ZNF607: variants seen among roughly 807,000 people sequenced by gnomAD.
ZNF607 encodes zinc finger protein 607.
Under a neutral mutation model 12.8 loss-of-function variants are expected in ZNF607, and 5 were observed. The ratio of observed to expected loss-of-function variants is 0.39; its 90% CI spans 0.20 to 0.82. The LOEUF (loss-of-function observed/expected upper bound fraction) is 0.82, where lower values mean the gene tolerates loss of function less well. ZNF607 is among the 40% of genes least tolerant of loss of function. The pLI, the probability that ZNF607 is intolerant of heterozygous loss-of-function variation, is 0.39. For synonymous variants in ZNF607, 287 were observed against 276.2 expected, an observed-to-expected ratio of 1.04 and a Z score of -0.39; for missense variants, 851 against 859.2, an observed-to-expected ratio of 0.99 and a Z score of 0.12.
Position 37,698,003 on chromosome 19 carries a change from G to T in ZNF607, c.*37C>A. 5 of 1,512,192 alleles carry T rather than the reference G, an allele frequency of 3.3e-6. No homozygotes were observed. Among genetic ancestry groups the T allele is most frequent in the Non-Finnish European group, 4.4e-6 (5 of 1,132,954 alleles). 93.7% of individuals were successfully genotyped at this position (1,512,192 alleles called of 1,614,324 possible). A position where few individuals can be genotyped will look rare whatever the true frequency, so the allele number is the denominator to read the frequency against. ...TGGGATAAATCCATTGACACAATGT[G>T]CTTTCTTTACTACCTGTATATGCCA... On this transcript the variant is annotated 3_prime_UTR_variant, in exon 5 of 5. Transcript: ENST00000355202.
chr19:37,697,266 T>C lies in ZNF607; in HGVS notation c.*774A>G. 1.3e-6 allele frequency: 1 copy of C among 795,928 alleles called. No individual in the cohort carries two copies. The highest frequency in any genetic ancestry group is 2.3e-6 in the Non-Finnish European group (1 of 442,988). 49.3% of individuals were successfully genotyped at this position (795,928 alleles called of 1,614,324 possible). ...AGTCCCTTCCCCTACCACAATGTTC[T>C]GTACTCCACGGAATTGGTCAAAGAT... On this transcript the variant is annotated 3_prime_UTR_variant, in exon 5 of 5. Transcript: ENST00000355202.
chr19:37,704,110 G>C (rs1024631465), intron 4 of ZNF607, among the ~76,000 whole-genome samples: 1 of 151,622 alleles, frequency 6.6e-6, no homozygotes, highest in Non-Finnish European at 1.5e-5. Flanking sequence ...CTCCAGCCTG[G>C]GTGACAGAGT....
At chr19:37,700,620 A>G (rs781650360) in intron 4 of ZNF607, among the ~76,000 whole-genome samples, 7 of 152,216 alleles carry the variant, frequency 4.6e-5, no homozygotes, top group Non-Finnish European at 7.3e-5. Flanking sequence ...AATCATGGGC[A>G]TTCAGTATCG....
At chr19:37,700,479 G>A (rs961825523) in intron 4 of ZNF607, among the ~76,000 whole-genome samples, 4 of 152,120 alleles carry the variant, frequency 2.6e-5, no homozygotes, top group African/African-American at 9.7e-5. Context: ...ACAGTTTCGG[G>A]AACACCCATA....
At position 37,698,679 on chromosome 19, in the gene ZNF607, CT is replaced by C; in HGVS notation, c.1451del (p.Lys484ArgfsTer41). The C allele has an allele frequency of 1.2e-6, 2 of 1,613,088 alleles. No homozygotes were observed. The highest frequency in any genetic ancestry group is 1.7e-6 in the Non-Finnish European group (2 of 1,179,422). Reference protein sequence around the residue: ...EKPYVCQECGKGFSYSHKLTI... With the variant: ...EKPYVCQECGXGFSYSHKLTI... ...TGAGTTTATGGCTATAACTAAAACC[CT>C]TCCCACACTCTTGACATACATAGGG... On this transcript the variant is annotated frameshift_variant, in exon 5 of 5. Transcript: ENST00000355202. LOFTEE classifies it low-confidence loss of function (END_TRUNC).
chr19:37,705,198 C>A (rs553200499), intron 4 of ZNF607, among the ~76,000 whole-genome samples: 1 of 152,042 alleles, frequency 6.6e-6, no homozygotes, highest in African/African-American at 2.4e-5. Context: ...CATAAATGAC[C>A]CATTTCAGGA....
intron 1 of ZNF607, among the ~76,000 whole-genome samples, chr19:37,718,123 A>T (rs1371254623): frequency 6.6e-6 from 1 of 152,146 alleles, no homozygotes; most frequent in East Asian, 1.9e-4. Flanking sequence ...GAAAAATGCA[A>T]ATTAACAAAC....
intron 4 of ZNF607, among the ~76,000 whole-genome samples, chr19:37,705,058 T>A (rs568967581): frequency 6.7e-6 from 1 of 149,866 alleles, no homozygotes; most frequent in Non-Finnish European, 1.5e-5. Context: ...ATAATAATCA[T>A]CAGAAAAAAT....
At position 37,699,282 on chromosome 19, in the gene ZNF607, A is replaced by C; in HGVS notation, c.849T>G (p.Cys283Trp). ...SIHTGEKPHE[C>W]KECGKAFRQF... Reference sequence around the variant, plus strand: ...GACGAAAGGCCTTTCCACATTCCTTACATTCATGTGGCTTCTCTCCAGTAT... The same window carrying C: ...GACGAAAGGCCTTTCCACATTCCTTCCATTCATGTGGCTTCTCTCCAGTAT... Residue 283 changes from cysteine to tryptophan, a missense_variant, in exon 5 of 5, where the codon TGT (cysteine) becomes TGG (tryptophan). Physicochemically the swap from Cys to Trp is radical, Grantham distance 215. Transcript: ENST00000355202. 1 of 1,613,980 alleles carries C rather than the reference A, an allele frequency of 6.2e-7. No homozygotes were observed. The highest frequency in any genetic ancestry group is 8.5e-7 in the Non-Finnish European group (1 of 1,179,996).
chr19:37,699,618 T>C lies in ZNF607; in HGVS notation c.513A>G (p.Glu171=), dbSNP rs1251427392. The change falls in exon 5 of 5, where the codon GAA becomes GAG. Residue 171 remains glutamate (E), a synonymous_variant. Coordinates refer to ENST00000355202, the MANE Select transcript of ZNF607 (RefSeq NM_032689.5). ...QKINAREKPY[E]CEECGKVFSY... is the part of the protein sequence containing the mutation. ...TGAAGACCTTCCCACATTCTTCACA[T>C]TCATAAGGTTTCTCACGAGCATTAA... 1 of 1,614,138 alleles carries C rather than the reference T, an allele frequency of 6.2e-7. No homozygotes were observed. The highest frequency in any genetic ancestry group is 2.2e-5 in the East Asian group (1 of 44,872).
At chr19:37,709,920 G>A in intron 2 of ZNF607, 98 bp from the exon 3 acceptor site, 2 of 1,380,622 alleles carry the variant, frequency 1.4e-6, no homozygotes, top group Non-Finnish European at 2.0e-6. Context: ...ACTTTGGGAG[G>A]CCGAGGCGGG....
chr19:37,701,126 A>C (rs1166832062), intron 4 of ZNF607, among the ~76,000 whole-genome samples: 1 of 152,216 alleles, frequency 6.6e-6, no homozygotes, highest in Non-Finnish European at 1.5e-5. Context: ...AAATGTGCAC[A>C]TAAGATATTC....
In ZNF607 at chr19:37,697,866, C is replaced by G. The variant is rs1568401783; in HGVS notation, c.*174G>C. 3.5e-6 allele frequency: 2 copies of G among 564,730 alleles called. No homozygotes were observed. Among genetic ancestry groups the G allele is most frequent in the Non-Finnish European group, 6.0e-6 (2 of 330,634 alleles). The allele number at this position is 564,730 out of a possible 1,614,324, so 35.0% of individuals were successfully genotyped here. A position where few individuals can be genotyped will look rare whatever the true frequency, so the allele number is the denominator to read the frequency against. The stretch of plus-strand genomic sequence containing the variant: ...GTTAACACAGGTCATACCAAAGAAA[C>G]TGCATATATGATTTACATTTTGAAA... On this transcript the variant is annotated 3_prime_UTR_variant, in exon 5 of 5. Coordinates refer to ENST00000355202, the MANE Select transcript of ZNF607 (RefSeq NM_032689.5).
intron 1 of ZNF607, 114 bp from the exon 2 acceptor site, chr19:37,711,806 T>C (rs1416444507): frequency 7.1e-6 from 4 of 567,160 alleles, no homozygotes; most frequent in East Asian, 2.8e-5. Flanking sequence ...TCCTCTCACA[T>C]ACAATTTGGG....
chr19:37,705,553 T>G (rs1177146580), intron 4 of ZNF607, among the ~76,000 whole-genome samples: 1 of 151,554 alleles, frequency 6.6e-6, no homozygotes, highest in Middle Eastern at 3.2e-3. Context: ...GGCATCATGG[T>G]GGGCGCTTAT....
rs758495663 is a variant in ZNF607, at chr19:37,698,029, C to G, written c.*11G>C. 2 of 1,568,840 alleles carry G rather than the reference C, an allele frequency of 1.3e-6. No individual in the cohort carries two copies. The highest frequency in any genetic ancestry group is 3.7e-5 in the Admixed American group (2 of 53,564). On this transcript the variant is annotated 3_prime_UTR_variant, in exon 5 of 5. Transcript: ENST00000355202. ...CTTTCTTTACTACCTGTATATGCCACAATTTCTCTATCAAATATGAATTCT... is the reference window on the plus strand; with the variant it reads ...CTTTCTTTACTACCTGTATATGCCAGAATTTCTCTATCAAATATGAATTCT...
intron 4 of ZNF607, among the ~76,000 whole-genome samples, chr19:37,707,539 G>A (rs2045095521): frequency 1.3e-5 from 2 of 152,050 alleles, no homozygotes; most frequent in Non-Finnish European, 2.9e-5. Context: ...GGAGTCTGAG[G>A]CAGGAGGAAC....
intron 1 of ZNF607, among the ~76,000 whole-genome samples, chr19:37,715,656 T>C (rs1296889981): frequency 6.6e-6 from 1 of 151,506 alleles, no homozygotes; most frequent in East Asian, 1.9e-4. Flanking sequence ...CCCCTTTCCT[T>C]ACTCCCCAGC....
In ZNF607 at chr19:37,697,464, T is replaced by G; in HGVS notation, c.*576A>C. On this transcript the variant is annotated 3_prime_UTR_variant, in exon 5 of 5. Transcript: ENST00000355202. Reference sequence around the variant, plus strand: ...CTCTGACCTCCACATCTAACTCATGTAATTCTAACAGCACTATACTGTAGG... The same window carrying G: ...CTCTGACCTCCACATCTAACTCATGGAATTCTAACAGCACTATACTGTAGG... 1 of 704,532 alleles carries G rather than the reference T, an allele frequency of 1.4e-6. No homozygotes were observed. The highest frequency in any genetic ancestry group is 1.5e-5 in the South Asian group (1 of 67,370). 43.6% of individuals were successfully genotyped at this position (704,532 alleles called of 1,614,324 possible). A position where few individuals can be genotyped will look rare whatever the true frequency, so the allele number is the denominator to read the frequency against.
Sources: gnomAD v4.1 joint callset for allele counts (sites outside exome capture counted in the v4.1 genomes callset) on GRCh38, gnomAD v4.1.1 for gene constraint, MANE v1.5 for transcripts, NCBI Gene and HGNC (gene_info 2026-07-23, HGNC 2026-07-21) for gene names.